Variants in SLC12A6 observed in about 807,000 individuals in gnomAD.
The protein encoded by SLC12A6 is K-Cl cotransporter 3.
A neutral mutation model predicts 135.3 loss-of-function variants in SLC12A6; 66 were observed. The observed-to-expected ratio is 0.49, with a 90% CI of 0.40 to 0.60. The LOEUF (loss-of-function observed/expected upper bound fraction) is 0.60. Among genes scored for constraint, SLC12A6 ranks in the 20% least tolerant of loss-of-function variants. The pLI is 0.00. For synonymous variants in SLC12A6, 513 were observed against 508.8 expected (o/e 1.01, Z -0.11); for missense variants, 1,058 against 1,452.3 (o/e 0.73, Z 4.41).
intron 2 of SLC12A6, among the ~76,000 whole-genome samples, chr15:34,276,727 A>C (rs1286804288): frequency 6.6e-6 from 1 of 152,264 alleles, no homozygotes; most frequent in Non-Finnish European, 1.5e-5. Context: ...AACAGATTAC[A>C]TAAAAGTACC....
chr15:34,251,168 GGT>G lies in SLC12A6; in HGVS notation c.1334-113_1334-112del, dbSNP rs536579374. On this transcript the variant is annotated intron_variant, in intron 10 of 25. Transcript: ENST00000354181. ...GCTCCTCATTTATACAGTTTCTAAA[GGT>G]GTGTTTGCTTCTACATGAGCACATG... 215 of 813,628 alleles carry G rather than the reference GGT, an allele frequency of 2.6e-4. 1 individual carries two copies. The African/African-American group carries it at 3.4e-3, about 13-fold the overall frequency. 50.4% of individuals were successfully genotyped at this position (813,628 alleles called of 1,614,324 possible). A position where few individuals can be genotyped will look rare whatever the true frequency, so the allele number is the denominator to read the frequency against.
intron 2 of SLC12A6, among the ~76,000 whole-genome samples, chr15:34,306,481 T>C (rs577915487): frequency 6.6e-6 from 1 of 152,334 alleles, no homozygotes; most frequent in Non-Finnish European, 1.5e-5. Flanking sequence ...TCCAGGCTCT[T>C]GTCTAGAGGA....
At chr15:34,328,364 A>G (rs1431765861) in intron 2 of SLC12A6, among the ~76,000 whole-genome samples, 1 of 152,224 alleles carries the variant, frequency 6.6e-6, no homozygotes, top group Non-Finnish European at 1.5e-5. Flanking sequence ...TTCCACTTTA[A>G]CAGTAGCTTA....
upstream of SLC12A6, chr15:34,337,855 A>G (rs1339640391): frequency 6.6e-6 from 1 of 152,078 alleles, no homozygotes; most frequent in Non-Finnish European, 1.5e-5. Flanking sequence ...ACGCCAGAGC[A>G]GCAGTTACGT....
chr15:34,268,095 AG>A lies in SLC12A6; in HGVS notation c.317-7076del, dbSNP rs527292734. Among the ~76,000 whole-genome samples, 22 of 152,276 alleles carry A rather than the reference AG, an allele frequency of 1.4e-4. No homozygotes were observed. The East Asian group carries it at 4.1e-3, about 28-fold the overall frequency. ...ATTTCTCTTGAGGGTTATGGAAGTA[AG>A]AGTTCAACATACTACCTCTCTGCTA... is the stretch of plus-strand genomic sequence containing the variant. On this transcript the variant is annotated intron_variant, in intron 3 of 25. Transcript: ENST00000354181.
chr15:34,317,049 A>G (rs1298225708), intron 2 of SLC12A6, among the ~76,000 whole-genome samples: 5 of 152,228 alleles, frequency 3.3e-5, no homozygotes, highest in African/African-American at 4.8e-5. Flanking sequence ...ATAAATAAAT[A>G]CACACAGGCC....
Position 34,241,303 on chromosome 15 carries a change from G to C in SLC12A6, c.2197C>G (p.Leu733Val). 1 of 1,608,128 alleles carries C rather than the reference G, an allele frequency of 6.2e-7. No individual in the cohort carries two copies. ...GCAAACCGGGCTGCACTGAGGGACA[G>C]CCCACGGATACCATCACCCCATTCT... is the stretch of plus-strand genomic sequence containing the variant. ...EKEWGDGIRG[L>V]SLSAARFALL... is the part of the protein sequence containing the mutation. The change falls in exon 18 of 26, where the codon CTG becomes GTG. Residue 733 changes from leucine (L) to valine (V), a missense_variant. Around this residue, in one of 6 missense-constraint regions of SLC12A6, gnomAD observed 170 missense variants for 297.6 expected, o/e 0.57. Coordinates refer to ENST00000354181, the MANE Select transcript of SLC12A6 (RefSeq NM_001365088.1).
At chr15:34,289,175 T>A (rs1895337482) in intron 2 of SLC12A6, among the ~76,000 whole-genome samples, 1 of 152,234 alleles carries the variant, frequency 6.6e-6, no homozygotes, top group Non-Finnish European at 1.5e-5. Flanking sequence ...ACCTAGTTTA[T>A]TCAGAGTTTT....
intron 3 of SLC12A6, among the ~76,000 whole-genome samples, chr15:34,262,612 C>A (rs1454715770): frequency 6.6e-6 from 1 of 152,212 alleles, no homozygotes; most frequent in Non-Finnish European, 1.5e-5. Context: ...TGTTAACATG[C>A]CGCCATCCAT....
intron 2 of SLC12A6, among the ~76,000 whole-genome samples, chr15:34,306,863 T>C (rs1214722670): frequency 6.6e-6 from 1 of 152,178 alleles, no homozygotes; most frequent in Non-Finnish European, 1.5e-5. Context: ...TAAAGGAAAC[T>C]GATTAGATGG....
rs571830502 is a variant in SLC12A6 at position 34,308,251 on chromosome 15, G to A, written c.271+28159C>T. Reference sequence around the variant, plus strand: ...AGTTAGACTGGTACAAGTCTCCTGCGAATTGTTAAGTCTCTTATTTCTATC... The same window carrying A: ...AGTTAGACTGGTACAAGTCTCCTGCAAATTGTTAAGTCTCTTATTTCTATC... On this transcript the variant is annotated intron_variant, in intron 2 of 25. Transcript: ENST00000354181. Among the ~76,000 whole-genome samples, 7 of 152,140 alleles carry A rather than the reference G, an allele frequency of 4.6e-5. No homozygotes were observed. The East Asian group carries it at 1.4e-3, about 29-fold the overall frequency.
intron 2 of SLC12A6, among the ~76,000 whole-genome samples, chr15:34,302,957 CAAAA>C (rs35647149): frequency 0.038 from 3,140 of 83,320 alleles, 103 homozygotes; most frequent in African/African-American, 0.11. Context: ...GACCCTGTCT[CAAAA>C]AAAAAAAAAA....
chr15:34,319,063 T>C (rs1888862766), intron 2 of SLC12A6, among the ~76,000 whole-genome samples: 1 of 152,150 alleles, frequency 6.6e-6, no homozygotes, highest in Non-Finnish European at 1.5e-5. Context: ...TTGTCATTCT[T>C]ATCTGCATGT....
intron 21 of SLC12A6, among the ~76,000 whole-genome samples, chr15:34,237,864 T>A (rs537056695): frequency 6.6e-6 from 1 of 152,358 alleles, no homozygotes; most frequent in African/African-American, 2.4e-5. Context: ...ATATATTTAC[T>A]ATTTTAAATC....
In SLC12A6 at chr15:34,310,174, AGTGTGTGTGT is replaced by A. The variant is rs60783164; in HGVS notation, c.271+26226_271+26235del. On this transcript the variant is annotated intron_variant, in intron 2 of 25. Coordinates refer to ENST00000354181, the MANE Select transcript of SLC12A6 (RefSeq NM_001365088.1). ...CAGGCACACAACACCACGCCCAGCTAGTGTGTGTGTGTGTGTGTGTGTGTGTGTGTGTGTC... is the reference window on the plus strand; with the variant it reads ...CAGGCACACAACACCACGCCCAGCTAGTGTGTGTGTGTGTGTGTGTGTGTC... Among the ~76,000 whole-genome samples the A allele has an allele frequency of 1.4e-3, 181 of 127,784 alleles. 5 individuals carry two copies. The highest frequency in any genetic ancestry group is 5.1e-3 in the African/African-American group (150 of 29,624). The allele number at this position is 127,784 out of a possible 152,430, so 83.8% of individuals were successfully genotyped here.
chr15:34,245,270 A>G lies in SLC12A6; in HGVS notation c.1943+15T>C, dbSNP rs200544602. 403 of 1,270,998 alleles carry G rather than the reference A, an allele frequency of 3.2e-4. No homozygotes were observed. The highest frequency in any genetic ancestry group is 4.2e-4 in the Non-Finnish European group (360 of 866,518). 78.7% of individuals were successfully genotyped at this position (1,270,998 alleles called of 1,614,324 possible). ...ATTTAAGCAAGAATAACTGAAGAGA[A>G]TCACTGGCTCTTACATGGAAAGAAT... On this transcript the variant is annotated intron_variant, in intron 15 of 25. Coordinates refer to ENST00000354181, the MANE Select transcript of SLC12A6 (RefSeq NM_001365088.1).
chr15:34,336,302 A>G (rs1890189012), intron 2 of SLC12A6, 108 bp downstream of exon 2: 2 of 917,344 alleles, frequency 2.2e-6, no homozygotes, highest in Admixed American at 2.0e-5. Flanking sequence ...GTTCCTGATG[A>G]CTATTATAAT....
chr15:34,238,954 A>G lies in SLC12A6; in HGVS notation c.2632+11T>C. On this transcript the variant is annotated intron_variant, in intron 20 of 25. Coordinates refer to ENST00000354181, the MANE Select transcript of SLC12A6 (RefSeq NM_001365088.1). ...TTGGGCCTTTAGGTTTGTATGAGAA[A>G]TGGTTAGTACCAATAAAAGTCTTCC... The G allele has an allele frequency of 6.2e-7, 1 of 1,609,944 alleles. No homozygotes were observed. Among genetic ancestry groups the G allele is most frequent in the Non-Finnish European group, 8.5e-7 (1 of 1,176,162 alleles).
At chr15:34,333,883 T>C (rs534645538) in intron 2 of SLC12A6, among the ~76,000 whole-genome samples, 3 of 152,060 alleles carry the variant, frequency 2.0e-5, no homozygotes, top group Non-Finnish European at 4.4e-5. Context: ...CCAGGTTGAC[T>C]AACATGATGA....
Sources: gnomAD v4.1 joint callset for allele counts (sites outside exome capture counted in the v4.1 genomes callset) on GRCh38, gnomAD v4.1.1 for gene constraint, gnomAD v4.1.1 regional missense constraint, MANE v1.5 for transcripts, NCBI Gene and HGNC (gene_info 2026-07-23, HGNC 2026-07-21) for gene names.